SCIN: variants seen among roughly 807,000 people sequenced by gnomAD.
SCIN encodes scinderin, also known as adseverin.
Under a neutral mutation model 91.8 loss-of-function variants are expected in SCIN, and 91 were observed. That is an observed-to-expected ratio of 0.99 (90% CI 0.84 to 1.18). SCIN has a LOEUF of 1.18. Ranked by LOEUF, SCIN falls within the 50% of genes most tolerant of loss-of-function variation. The pLI is 0.00. For synonymous variants in SCIN, 367 were observed against 312.6 expected, an observed-to-expected ratio of 1.17 and a Z score of -1.84; for missense variants, 1,087 against 863.9, an observed-to-expected ratio of 1.26 and a Z score of -3.24.
intron 13 of SCIN, 138 bp downstream of exon 13, chr7:12,644,843 G>A (rs894031076): frequency 2.2e-5 from 16 of 718,016 alleles, no homozygotes; most frequent in South Asian, 5.6e-5. Flanking sequence ...TGTAGAAACC[G>A]TCTCTACTAA....
Position 12,604,495 on chromosome 7 carries a change from A to T in SCIN, c.517-19A>T. 1 of 1,550,796 alleles carries T rather than the reference A, an allele frequency of 6.4e-7. No homozygotes were observed. Among genetic ancestry groups the T allele is most frequent in the Admixed American group, 2.0e-5 (1 of 50,992 alleles). ...TTCCTCATATTCTTAGGGTCAACAG[A>T]TCTGTCTCTTTCTTTTAGGAAATTT... On this transcript the variant is annotated intron_variant, in intron 3 of 15. Transcript: ENST00000297029.
At position 12,578,229 on chromosome 7, in the gene SCIN, C is replaced by T. The variant is rs116948313; in HGVS notation, c.354+11C>T. On this transcript the variant is annotated intron_variant, in intron 2 of 15. Transcript: ENST00000297029. ...GGTCTGAAATACAAGGTAAGCAGCTCCCTCAGTTTCCATTATGAATCCCTT... is the reference window on the plus strand; with the variant it reads ...GGTCTGAAATACAAGGTAAGCAGCTTCCTCAGTTTCCATTATGAATCCCTT... 0.043 allele frequency: 66,245 copies of T among 1,539,424 alleles called. 1,660 individuals carry two copies. The highest frequency in any genetic ancestry group is 0.049 in the Non-Finnish European group (55,913 of 1,141,202).
rs1176809870 is a variant in SCIN at position 12,656,888 on chromosome 7, C to G, written c.*4173C>G. 3 of 151,272 alleles carry G rather than the reference C, an allele frequency of 2.0e-5. No homozygotes were observed. The highest frequency in any genetic ancestry group is 4.4e-5 in the Non-Finnish European group (3 of 67,904). 9.4% of individuals were successfully genotyped at this position (151,272 alleles called of 1,614,324 possible). ...GAGCGAAAGTACGCGCCACTGTACT[C>G]CAGCCTGCGTGACGATGAGAGTCTC... is the stretch of plus-strand genomic sequence containing the variant. On this transcript the variant is annotated 3_prime_UTR_variant, in exon 16 of 16. Transcript: ENST00000297029.
chr7:12,622,617 T>G (rs1038137136), intron 4 of SCIN, among the ~76,000 whole-genome samples, 184 bp from the exon 5 acceptor site: 1 of 152,164 alleles, frequency 6.6e-6, no homozygotes, highest in East Asian at 1.9e-4. Flanking sequence ...GTTTACTTAA[T>G]GCAATTGATT....
Position 12,629,108 on chromosome 7 carries a change from G to C in SCIN, c.1205G>C (p.Arg402Pro). Residue 402 changes from arginine (R) to proline (P), a missense_variant, in exon 9 of 16, where the codon CGT becomes CCT. Coordinates refer to ENST00000297029, the MANE Select transcript of SCIN (RefSeq NM_001112706.3). ...DDGSGKVEIWRVENNGRIQVD... is the reference protein window; with the variant it reads ...DDGSGKVEIWPVENNGRIQVD... ...ATATTCCATTCCTTCCAGATTTGGC[G>C]TGTAGAAAACAATGGTAGGATCCAA... The C allele has an allele frequency of 6.2e-7, 1 of 1,610,992 alleles. No individual in the cohort carries two copies. The highest frequency in any genetic ancestry group is 8.5e-7 in the Non-Finnish European group (1 of 1,178,334).
At chr7:12,624,084 C>G (rs2115272292) in intron 5 of SCIN, among the ~76,000 whole-genome samples, 1 of 152,242 alleles carries the variant, frequency 6.6e-6, no homozygotes, top group African/African-American at 2.4e-5. Flanking sequence ...TCATAGCTTC[C>G]TCTAGTGGAG....
intron 11 of SCIN, 99 bp from the exon 12 acceptor site, chr7:12,644,039 G>T: frequency 9.4e-7 from 1 of 1,066,394 alleles, no homozygotes; most frequent in Non-Finnish European, 1.4e-6. Context: ...TAGGGCAGAA[G>T]GCGATGTATG....
intron 3 of SCIN, among the ~76,000 whole-genome samples, chr7:12,584,025 G>A (rs1782539337): frequency 6.6e-6 from 1 of 152,108 alleles, no homozygotes; most frequent in South Asian, 2.1e-4. Flanking sequence ...TGAGAATCAA[G>A]CACCAGATTC....
chr7:12,582,244 G>T (rs552199227), intron 3 of SCIN, among the ~76,000 whole-genome samples: 7 of 152,268 alleles, frequency 4.6e-5, no homozygotes, highest in African/African-American at 1.7e-4. Context: ...ATCTACTTGG[G>T]CAGTATTTTG....
chr7:12,586,034 G>C (rs1782579919), intron 3 of SCIN, among the ~76,000 whole-genome samples: 1 of 152,172 alleles, frequency 6.6e-6, no homozygotes, highest in Non-Finnish European at 1.5e-5. Context: ...ATTATGCAGA[G>C]ACTTGCTTCT....
Position 12,626,786 on chromosome 7 carries a change from C to CT in SCIN, c.1185dup (p.Gly396TrpfsTer13). The CT allele has an allele frequency of 6.2e-7, 1 of 1,608,356 alleles. No homozygotes were observed. The highest frequency in any genetic ancestry group is 8.5e-7 in the Non-Finnish European group (1 of 1,177,312). ...CAGCACAATATGGTGGATGATGGTT[C>CT]TGGCAAAGTGGAGGTATTTACCTGT... On this transcript the variant is annotated frameshift_variant, in exon 8 of 16. Transcript: ENST00000297029. LOFTEE classifies it high-confidence loss of function.
Position 12,625,495 on chromosome 7 carries a change from AT to A in SCIN, c.893-260del, listed in dbSNP as rs112788431. Among the ~76,000 whole-genome samples the A allele has an allele frequency of 4.7e-5, 6 of 126,852 alleles. 1 individual carries two copies. The South Asian group carries it at 1.2e-3, about 25-fold the overall frequency. The allele number at this position is 126,852 out of a possible 152,430, so 83.2% of individuals were successfully genotyped here. On this transcript the variant is annotated intron_variant, in intron 6 of 15. Transcript: ENST00000297029. The stretch of plus-strand genomic sequence containing the variant: ...TGCAGCCCGCCACCACGCCCAGCTA[AT>A]TTTTTTGTATTTTTTGTGGAGATGG...
At position 12,634,509 on chromosome 7, in the gene SCIN, C is replaced by T. The variant is rs115151017; in HGVS notation, c.1320-1536C>T. Among the ~76,000 whole-genome samples the T allele has an allele frequency of 1.9e-3, 288 of 151,756 alleles. 2 individuals are homozygous for T. The highest frequency in any genetic ancestry group is 6.6e-3 in the African/African-American group (274 of 41,406). ...TCCAAAAAAAAAAAAAAAGTAATTG[C>T]GGCTTTTGCCATTACTTTTAATAGC... On this transcript the variant is annotated intron_variant, in intron 9 of 15. Coordinates refer to ENST00000297029, the MANE Select transcript of SCIN (RefSeq NM_001112706.3).
chr7:12,643,989 T>C lies in SCIN; in HGVS notation c.1582-149T>C. ...TCCTACTCTAGGGTTTAAAATACCA[T>C]AGTGGTGTCCCAGAGCGGCTCTGAA... On this transcript the variant is annotated intron_variant, in intron 11 of 15. Coordinates refer to ENST00000297029, the MANE Select transcript of SCIN (RefSeq NM_001112706.3). 6.0e-6 allele frequency: 4 copies of C among 665,652 alleles called. No individual in the cohort carries two copies. The South Asian group carries it at 7.5e-5, about 12-fold the overall frequency. 41.2% of individuals were successfully genotyped at this position (665,652 alleles called of 1,614,324 possible). A position where few individuals can be genotyped will look rare whatever the true frequency, so the allele number is the denominator to read the frequency against.
At chr7:12,571,209 G>A (rs952107586) in intron 1 of SCIN, 17 of 575,408 alleles carry the variant, frequency 3.0e-5, no homozygotes, top group East Asian at 2.9e-4. Flanking sequence ...GACTTACCTC[G>A]CAGGCTTTGA....
intron 1 of SCIN, among the ~76,000 whole-genome samples, chr7:12,575,007 A>G (rs758499227): frequency 6.6e-6 from 1 of 152,082 alleles, no homozygotes; most frequent in Non-Finnish European, 1.5e-5. Context: ...CTTCCTTGAT[A>G]TTTTGAATGC....
intron 9 of SCIN, among the ~76,000 whole-genome samples, chr7:12,633,476 C>G (rs1282251232): frequency 6.6e-6 from 1 of 152,104 alleles, no homozygotes; most frequent in Admixed American, 6.5e-5. Flanking sequence ...ATACTTGAAT[C>G]TGTGTGGATG....
At chr7:12,618,584 A>G (rs751380554) in intron 4 of SCIN, among the ~76,000 whole-genome samples, 4 of 152,146 alleles carry the variant, frequency 2.6e-5, no homozygotes, top group Admixed American at 6.6e-5. Context: ...GGAGCTGGCT[A>G]AATAAGACCA....
intron 1 of SCIN, among the ~76,000 whole-genome samples, chr7:12,577,109 A>C (rs1782388737): frequency 6.6e-6 from 1 of 152,180 alleles, no homozygotes; most frequent in African/African-American, 2.4e-5. Context: ...AATTAAATGT[A>C]TGTTGTATGT....
Sources: gnomAD v4.1 joint callset for allele counts (sites outside exome capture counted in the v4.1 genomes callset) on GRCh38, gnomAD v4.1.1 for gene constraint, MANE v1.5 for transcripts, NCBI Gene and HGNC (gene_info 2026-07-23, HGNC 2026-07-21) for gene names.